STAP1: variants seen among roughly 807,000 people sequenced by gnomAD.
STAP1 encodes signal-transducing adaptor protein 1.
In STAP1, 30 loss-of-function variants were observed where a neutral mutation model predicts 37.8. The observed-to-expected ratio is 0.79, with a 90% CI of 0.59 to 1.08. The LOEUF (loss-of-function observed/expected upper bound fraction) is 1.08. Among genes scored for constraint, STAP1 ranks in the 50% least tolerant of loss-of-function variants. The probability of loss-of-function intolerance (pLI) is 0.00; values close to 1 mark genes in which losing one functional copy is unlikely to be tolerated. For missense variants in STAP1, 357 were observed against 349.4 expected (o/e 1.02, Z -0.17); for synonymous variants, 130 against 116.0 (o/e 1.12, Z -0.78).
chr4:67,575,072 T>C (rs1295002013), intron 2 of STAP1, among the ~76,000 whole-genome samples: 1 of 152,200 alleles, frequency 6.6e-6, no homozygotes, highest in Admixed American at 6.5e-5. Context: ...TTTGTTTTAA[T>C]TACCTTTGCT....
intron 8 of STAP1, among the ~76,000 whole-genome samples, chr4:67,598,569 G>T (rs1728273217): frequency 6.6e-6 from 1 of 152,082 alleles, no homozygotes; most frequent in African/African-American, 2.4e-5. Flanking sequence ...TTTGCCATTT[G>T]TATGTCTTCT....
chr4:67,564,255 A>C (rs1182927385), intron 1 of STAP1, among the ~76,000 whole-genome samples: 1 of 152,146 alleles, frequency 6.6e-6, no homozygotes, highest in Non-Finnish European at 1.5e-5. Flanking sequence ...TTTGCTTTCA[A>C]CTTAGTGCCT....
chr4:67,588,535 G>A (rs1036793063), intron 6 of STAP1, among the ~76,000 whole-genome samples: 8 of 151,556 alleles, frequency 5.3e-5, no homozygotes, highest in Admixed American at 4.6e-4. Flanking sequence ...TCAGCCTCCC[G>A]AGTAGCTGGG....
chr4:67,566,108 C>T (rs1394037762), intron 1 of STAP1, among the ~76,000 whole-genome samples: 28 of 151,806 alleles, frequency 1.8e-4, no homozygotes, highest in Admixed American at 5.3e-4. Flanking sequence ...GCCACTACTC[C>T]GGCTAATTTT....
At chr4:67,568,164 A>G (rs1350214511) in intron 1 of STAP1, among the ~76,000 whole-genome samples, 1 of 152,216 alleles carries the variant, frequency 6.6e-6, no homozygotes, top group Admixed American at 6.5e-5. Context: ...ATAAGCATAT[A>G]AATTCTGAAG....
intron 6 of STAP1, 136 bp from the exon 7 acceptor site, chr4:67,590,745 ATTT>A (rs66493617): frequency 0.012 from 2,458 of 208,162 alleles, no homozygotes; most frequent in East Asian, 0.03. Context: ...ACCACGAAGG[ATTT>A]TTTTTTTTTT....
At chr4:67,572,109 GC>G (rs1429629367) in intron 2 of STAP1, among the ~76,000 whole-genome samples, 1 of 152,164 alleles carries the variant, frequency 6.6e-6, no homozygotes, top group African/African-American at 2.4e-5. Flanking sequence ...CAGACAGCCT[GC>G]CTGGGTGTTT....
At chr4:67,592,126 A>AT (rs5859097) in intron 7 of STAP1, among the ~76,000 whole-genome samples, 134,834 of 148,448 alleles carry the variant, frequency 0.91, 62,179 homozygotes, top group Non-Finnish European at 0.99. Flanking sequence ...TATTTTTGTG[A>AT]TTTTTTTTTT....
chr4:67,571,025 A>G (rs1727593218), intron 1 of STAP1, 59 bp from the exon 2 acceptor site: 1 of 1,340,500 alleles, frequency 7.5e-7, no homozygotes, highest in African/African-American at 1.4e-5. Context: ...GGATAATATT[A>G]TTAGAAAAAT....
At chr4:67,592,167 G>A (rs1728133317) in intron 7 of STAP1, among the ~76,000 whole-genome samples, 1 of 151,710 alleles carries the variant, frequency 6.6e-6, no homozygotes, top group Non-Finnish European at 1.5e-5. Context: ...TGTTGCCCAG[G>A]CTTGAGCACA....
At chr4:67,559,013 C>CCTG in intron 1 of STAP1, 84 bp downstream of exon 1, 3 of 1,285,438 alleles carry the variant, frequency 2.3e-6, no homozygotes, top group South Asian at 2.0e-5. Flanking sequence ...GTGTTAAGAC[C>CCTG]TCCTTGTTTC....
intron 1 of STAP1, among the ~76,000 whole-genome samples, chr4:67,560,073 G>A (rs1288898107): frequency 3.9e-5 from 6 of 151,976 alleles, no homozygotes; most frequent in Non-Finnish European, 8.8e-5. Flanking sequence ...AAGGGAAGTT[G>A]AGAAAAAAAA....
intron 2 of STAP1, among the ~76,000 whole-genome samples, chr4:67,572,524 A>G (rs942646293): frequency 1.3e-5 from 2 of 152,152 alleles, no homozygotes; most frequent in Non-Finnish European, 2.9e-5. Flanking sequence ...AGGAACTCAA[A>G]GGGTACGGAG....
chr4:67,591,091 G>T, intron 7 of STAP1, 138 bp downstream of exon 7: 1 of 446,118 alleles, frequency 2.2e-6, no homozygotes, highest in Non-Finnish European at 3.9e-6. Context: ...TCAGGAACAG[G>T]TGGTGAGGCA....
chr4:67,601,214 C>T (rs1728335327), intron 8 of STAP1, among the ~76,000 whole-genome samples: 1 of 152,232 alleles, frequency 6.6e-6, no homozygotes, highest in Non-Finnish European at 1.5e-5. Flanking sequence ...GACAACTTAA[C>T]GTTGACTGCA....
chr4:67,594,196 AC>A (rs1211570649), intron 8 of STAP1, among the ~76,000 whole-genome samples: 1 of 152,176 alleles, frequency 6.6e-6, no homozygotes, highest in Non-Finnish European at 1.5e-5. Flanking sequence ...CTCTTTTTCT[AC>A]AGATTATGGG....
chr4:67,587,561 C>T (rs1035066060), intron 6 of STAP1, among the ~76,000 whole-genome samples: 9 of 152,050 alleles, frequency 5.9e-5, no homozygotes, highest in Admixed American at 4.6e-4. Context: ...AATGTTATGA[C>T]TAGGTACCAA....
intron 1 of STAP1, among the ~76,000 whole-genome samples, chr4:67,560,984 G>C (rs1308023353): frequency 6.6e-6 from 1 of 152,172 alleles, no homozygotes; most frequent in African/African-American, 2.4e-5. Flanking sequence ...AGGGAGAAGA[G>C]AGCAAGAGGA....
intron 8 of STAP1, among the ~76,000 whole-genome samples, chr4:67,598,462 A>G (rs781322307): frequency 5.9e-5 from 9 of 152,176 alleles, no homozygotes; most frequent in Non-Finnish European, 1.2e-4. Flanking sequence ...TCTTTTGAAT[A>G]TAAGCCATTT....
Sources: gnomAD v4.1 joint callset for allele counts (sites outside exome capture counted in the v4.1 genomes callset) on GRCh38, gnomAD v4.1.1 for gene constraint, MANE v1.5 for transcripts, NCBI Gene and HGNC (gene_info 2026-07-23, HGNC 2026-07-21) for gene names.